ZFYVE9: variants seen among roughly 807,000 people sequenced by gnomAD.
ZFYVE9 encodes zinc finger FYVE domain-containing protein 9.
ZFYVE9 carries 43 observed loss-of-function variants against 126.7 expected under a neutral mutation model. The ratio of observed to expected loss-of-function variants is 0.34; its 90% CI spans 0.27 to 0.44. ZFYVE9 has a LOEUF of 0.44. Ranked by LOEUF, ZFYVE9 falls within the 20% of genes least tolerant of loss-of-function variation. The pLI, the probability that ZFYVE9 is intolerant of heterozygous loss-of-function variation, is 1.00. For synonymous variants in ZFYVE9, 521 were observed against 597.4 expected (o/e 0.87, Z 1.87); for missense variants, 1,476 against 1,697.0 (o/e 0.87, Z 2.29).
intron 4 of ZFYVE9, among the ~76,000 whole-genome samples, chr1:52,241,713 G>A (rs975367540): frequency 6.6e-6 from 1 of 152,090 alleles, no homozygotes. Flanking sequence ...TTACCTTAGA[G>A]ATGTTATAAG....
At chr1:52,168,958 C>T (rs974111789) in intron 1 of ZFYVE9, among the ~76,000 whole-genome samples, 2 of 152,102 alleles carry the variant, frequency 1.3e-5, no homozygotes, top group Non-Finnish European at 2.9e-5. Flanking sequence ...CCTTTCCTAT[C>T]ATCTGCTACT....
At chr1:52,328,026 G>C (rs1035439596) in intron 13 of ZFYVE9, among the ~76,000 whole-genome samples, 1 of 152,050 alleles carries the variant, frequency 6.6e-6, no homozygotes, top group Non-Finnish European at 1.5e-5. Flanking sequence ...AAGCCTCAGG[G>C]ATGGGAAATG....
intron 10 of ZFYVE9, among the ~76,000 whole-genome samples, chr1:52,284,801 A>G (rs2147820036): frequency 6.6e-6 from 1 of 152,302 alleles, no homozygotes; most frequent in Admixed American, 6.5e-5. Context: ...CAACAAAAAT[A>G]CTTGGAACTG....
intron 12 of ZFYVE9, among the ~76,000 whole-genome samples, chr1:52,300,407 T>G (rs1000264867): frequency 2.6e-4 from 39 of 151,920 alleles, no homozygotes; most frequent in African/African-American, 9.4e-4. Context: ...CTGGCTGATA[T>G]GGTGTAACCC....
At chr1:52,235,197 C>T (rs1645262878) in intron 3 of ZFYVE9, among the ~76,000 whole-genome samples, 5 of 151,348 alleles carry the variant, frequency 3.3e-5, no homozygotes, top group Admixed American at 3.3e-4. Context: ...TTGAATCTCA[C>T]TACCAGTTGC....
At chr1:52,245,771 G>T (rs1645378731) in intron 4 of ZFYVE9, among the ~76,000 whole-genome samples, 1 of 152,108 alleles carries the variant, frequency 6.6e-6, no homozygotes, top group Non-Finnish European at 1.5e-5. Context: ...TGAAGAAACT[G>T]ATACGGTAGG....
intron 1 of ZFYVE9, among the ~76,000 whole-genome samples, chr1:52,192,813 G>A (rs1397231851): frequency 6.6e-6 from 1 of 152,050 alleles, no homozygotes; most frequent in Non-Finnish European, 1.5e-5. Flanking sequence ...AAAAATATAT[G>A]TTCAGTCTTA....
intron 18 of ZFYVE9, among the ~76,000 whole-genome samples, chr1:52,345,272 C>T (rs1646473527): frequency 6.6e-6 from 1 of 152,132 alleles, no homozygotes; most frequent in Non-Finnish European, 1.5e-5. Context: ...CTCTCTGTTC[C>T]CTCAACCCTT....
chr1:52,145,099 G>C (rs1250857395), intron 1 of ZFYVE9, among the ~76,000 whole-genome samples: 1 of 152,198 alleles, frequency 6.6e-6, no homozygotes, highest in Non-Finnish European at 1.5e-5. Context: ...CTAAATCTCT[G>C]TTTAAGGCTT....
chr1:52,277,200 AG>A, intron 8 of ZFYVE9, among the ~76,000 whole-genome samples: 1 of 134,286 alleles, frequency 7.4e-6, no homozygotes, highest in Non-Finnish European at 1.8e-5. Flanking sequence ...TTCTATTGTT[AG>A]TAAAATACCT....
chr1:52,239,193 A>G lies in ZFYVE9; in HGVS notation c.1776A>G (p.Pro592=), dbSNP rs370570538. The G allele has an allele frequency of 2.4e-4, 394 of 1,613,994 alleles. No homozygotes were observed. The highest frequency in any genetic ancestry group is 1.5e-3 in the Middle Eastern group (9 of 6,084). Residue 592 remains proline, a synonymous_variant, in exon 4 of 19, where the codon CCA becomes CCG. Transcript: ENST00000287727. ...CTTCTAATCTTAAACTTCAAATTCC[A>G]AAGCCATTATCAGACCATTTACAAA... is the stretch of plus-strand genomic sequence containing the variant. ...KQPSNLKLQI[P]KPLSDHLQND...
chr1:52,253,868 AC>A, intron 4 of ZFYVE9: 1 of 1,243,494 alleles, frequency 8.0e-7, no homozygotes, highest in East Asian at 2.3e-5. Flanking sequence ...TATGCAGACT[AC>A]AAATCTGATG....
chr1:52,169,897 G>T (rs1183736910), intron 1 of ZFYVE9, among the ~76,000 whole-genome samples: 1 of 152,104 alleles, frequency 6.6e-6, no homozygotes. Context: ...TAATACATTT[G>T]TTGAATGGAT....
At chr1:52,267,342 T>G (rs1645644503) in intron 6 of ZFYVE9, among the ~76,000 whole-genome samples, 1 of 152,230 alleles carries the variant, frequency 6.6e-6, no homozygotes, top group Non-Finnish European at 1.5e-5. Context: ...ATCTAGAACT[T>G]TAATTCTGAT....
At chr1:52,181,771 T>C (rs1644707340) in intron 1 of ZFYVE9, among the ~76,000 whole-genome samples, 1 of 148,856 alleles carries the variant, frequency 6.7e-6, no homozygotes, top group South Asian at 2.1e-4. Context: ...TCTGCCTGGC[T>C]GCGACCCCGT....
chr1:52,287,904 T>C (rs1645878527), intron 10 of ZFYVE9, among the ~76,000 whole-genome samples: 1 of 152,120 alleles, frequency 6.6e-6, no homozygotes. Context: ...CATGTTTTTA[T>C]TTTATTTTTC....
At chr1:52,217,887 T>C (rs1011739642) in intron 2 of ZFYVE9, among the ~76,000 whole-genome samples, 4 of 152,218 alleles carry the variant, frequency 2.6e-5, no homozygotes, top group Non-Finnish European at 5.9e-5. Context: ...TATTCTGTTT[T>C]CCCAGACCAT....
In ZFYVE9 at chr1:52,144,870, C is replaced by T. The variant is rs528035652; in HGVS notation, c.-143+2467C>T. ...GCATATACTTCAGTTATTATGCTTACCTTGCGAGGCTTTTAGGATAAATAA... is the reference window on the plus strand; with the variant it reads ...GCATATACTTCAGTTATTATGCTTATCTTGCGAGGCTTTTAGGATAAATAA... On this transcript the variant is annotated intron_variant, in intron 1 of 18. Transcript: ENST00000287727. Among the ~76,000 whole-genome samples the T allele has an allele frequency of 5.3e-5, 8 of 152,158 alleles. No individual in the cohort carries two copies. The East Asian group carries it at 1.5e-3, about 29-fold the overall frequency.
chr1:52,264,992 G>A (rs1029469646), intron 5 of ZFYVE9, among the ~76,000 whole-genome samples: 1 of 152,206 alleles, frequency 6.6e-6, no homozygotes, highest in Non-Finnish European at 1.5e-5. Context: ...TCACAGATAA[G>A]AGCATGCTGC....
Sources: allele counts gnomAD v4.1 joint callset (sites outside exome capture counted in the v4.1 genomes callset), GRCh38; gene constraint gnomAD v4.1.1; transcripts MANE v1.5; gene names NCBI Gene and HGNC (gene_info 2026-07-23, HGNC 2026-07-21).